NBAS: variants seen among roughly 807,000 people sequenced by gnomAD.
The protein encoded by NBAS is NAG/BC035112 fusion.
A neutral mutation model predicts 302.5 loss-of-function variants in NBAS; 219 were observed. That is an observed-to-expected ratio of 0.72 (90% CI 0.65 to 0.81). NBAS has a LOEUF of 0.81. NBAS is among the 30% of genes least tolerant of loss of function. NBAS has a pLI of 0.00. For missense variants in NBAS, 2,932 were observed against 2,841.6 expected (o/e 1.03, Z -0.72); for synonymous variants, 1,118 against 1,021.6 (o/e 1.09, Z -1.80).
chr2:14,900,613 T>C, the NBAS span, among the ~76,000 whole-genome samples: 3 of 152,148 alleles, frequency 2.0e-5, no homozygotes, highest in African/African-American at 7.2e-5. Context: ...ACTTCTAAAA[T>C]AACAACTCCA....
chr2:15,241,729 C>T (rs919015634), intron 44 of NBAS, among the ~76,000 whole-genome samples: 5 of 152,140 alleles, frequency 3.3e-5, no homozygotes, highest in African/African-American at 1.2e-4. Flanking sequence ...AATACATGTG[C>T]CATCCTCTCC....
chr2:15,057,079 C>T, the NBAS span, among the ~76,000 whole-genome samples: 1 of 152,070 alleles, frequency 6.6e-6, no homozygotes, highest in Non-Finnish European at 1.5e-5. Context: ...ATCTGCCCCC[C>T]TGGGCCTCCC....
intron 50 of NBAS, among the ~76,000 whole-genome samples, chr2:15,181,053 G>C (rs533248065): frequency 6.6e-6 from 1 of 151,998 alleles, no homozygotes; most frequent in Non-Finnish European, 1.5e-5. Flanking sequence ...GTCATTCATC[G>C]GTCTACCTGC....
chr2:15,007,868 A>T, the NBAS span, among the ~76,000 whole-genome samples: 4 of 152,256 alleles, frequency 2.6e-5, no homozygotes, highest in Non-Finnish European at 5.9e-5. Flanking sequence ...TGACTTTAAT[A>T]GTTACTTAAG....
At chr2:14,849,274 A>G in the NBAS span, among the ~76,000 whole-genome samples, 3 of 152,166 alleles carry the variant, frequency 2.0e-5, no homozygotes, top group Admixed American at 2.0e-4. Context: ...AACTACGTGA[A>G]GAATGAATGC....
At chr2:15,105,389 C>G in the NBAS span, among the ~76,000 whole-genome samples, 1 of 151,398 alleles carries the variant, frequency 6.6e-6, no homozygotes, top group Non-Finnish European at 1.5e-5. Context: ...CACATGTATT[C>G]TAGAACTTAA....
chr2:15,059,644 T>G, the NBAS span, among the ~76,000 whole-genome samples: 1 of 152,130 alleles, frequency 6.6e-6, no homozygotes, highest in African/African-American at 2.4e-5. Flanking sequence ...GGAGTTGAAC[T>G]TTCATGTTTC....
chr2:14,864,894 T>G, the NBAS span, among the ~76,000 whole-genome samples: 2 of 152,214 alleles, frequency 1.3e-5, no homozygotes, highest in Non-Finnish European at 1.5e-5. Context: ...AGTGTTAGCT[T>G]GTATTATTAA....
chr2:15,064,302 C>CAA, the NBAS span, among the ~76,000 whole-genome samples: 36 of 131,392 alleles, frequency 2.7e-4, no homozygotes, highest in South Asian at 9.2e-4. Context: ...AGAAAAGACT[C>CAA]AAAAAAAAAA....
chr2:15,223,386 A>C (rs1667031737), intron 47 of NBAS, among the ~76,000 whole-genome samples: 1 of 152,180 alleles, frequency 6.6e-6, no homozygotes, highest in Non-Finnish European at 1.5e-5. Context: ...CAAGATTAAC[A>C]GGTAAAAAAC....
At chr2:15,520,525 C>T (rs1662614030) in intron 9 of NBAS, among the ~76,000 whole-genome samples, 1 of 151,942 alleles carries the variant, frequency 6.6e-6, no homozygotes, top group South Asian at 2.1e-4. Context: ...GGCCAGAAAA[C>T]ATTCTGTGTA....
chr2:14,874,556 C>T, the NBAS span, among the ~76,000 whole-genome samples: 2 of 150,402 alleles, frequency 1.3e-5, no homozygotes, highest in Non-Finnish European at 3.0e-5. Flanking sequence ...AGGAGAATGG[C>T]GTGAATCCGG....
At chr2:15,536,123 T>C (rs761434120) in intron 8 of NBAS, among the ~76,000 whole-genome samples, 2 of 152,210 alleles carry the variant, frequency 1.3e-5, no homozygotes, top group African/African-American at 2.4e-5. Context: ...TCTAATAATA[T>C]GCATGCTAAA....
At chr2:15,396,309 G>A (rs1558301751) in intron 27 of NBAS, 104 bp downstream of exon 27, 9 of 885,706 alleles carry the variant, frequency 1.0e-5, no homozygotes, top group South Asian at 1.7e-5. Flanking sequence ...ACAAAAATGA[G>A]GTTAAAGTAG....
chr2:15,504,040 A>T, intron 11 of NBAS, 105 bp downstream of exon 11: 1 of 846,004 alleles, frequency 1.2e-6, no homozygotes, highest in Non-Finnish European at 2.1e-6. Context: ...GAATACACTC[A>T]GATGAAGATA....
At chr2:15,133,048 T>A in the NBAS span, among the ~76,000 whole-genome samples, 1 of 152,238 alleles carries the variant, frequency 6.6e-6, no homozygotes, top group African/African-American at 2.4e-5. Context: ...TCAAGAAATA[T>A]CATGCATCTT....
intron 23 of NBAS, among the ~76,000 whole-genome samples, chr2:15,419,918 T>C (rs1677130359): frequency 6.6e-6 from 1 of 152,052 alleles, no homozygotes; most frequent in South Asian, 2.1e-4. Flanking sequence ...TTCACCATGT[T>C]AGCCAGGATG....
intron 11 of NBAS, among the ~76,000 whole-genome samples, chr2:15,502,538 C>G (rs570691171): frequency 4.6e-5 from 7 of 152,354 alleles, no homozygotes; most frequent in Non-Finnish European, 7.3e-5. Flanking sequence ...GCATGCTACT[C>G]TACTGAATAC....
chr2:14,986,614 A>G, the NBAS span, among the ~76,000 whole-genome samples: 2 of 152,254 alleles, frequency 1.3e-5, no homozygotes, highest in Non-Finnish European at 2.9e-5. Flanking sequence ...GCACACTTAA[A>G]GAAATTGATA....
Sources: allele counts gnomAD v4.1 joint callset (sites outside exome capture counted in the v4.1 genomes callset), GRCh38; gene constraint gnomAD v4.1.1; transcripts MANE v1.5; gene names NCBI Gene and HGNC (gene_info 2026-07-23, HGNC 2026-07-21).